SGCZ: variants seen among roughly 807,000 people sequenced by gnomAD.
SGCZ encodes the protein sarcoglycan zeta, also known as zeta-sarcoglycan.
In SGCZ, 40 loss-of-function variants were observed where a neutral mutation model predicts 41.3. The ratio of observed to expected loss-of-function variants is 0.97; its 90% CI spans 0.75 to 1.26. SGCZ has a LOEUF of 1.26. Among genes scored for constraint, SGCZ ranks in the 50% most tolerant of loss-of-function variants. The probability of loss-of-function intolerance (pLI) is 0.00; values close to 1 mark genes in which losing one functional copy is unlikely to be tolerated. For missense variants in SGCZ, 552 were observed against 369.8 expected, an observed-to-expected ratio of 1.49 and a Z score of -4.04; for synonymous variants, 206 against 137.5, an observed-to-expected ratio of 1.50 and a Z score of -3.49.
At chr8:14,442,474 T>C (rs1242239495) in intron 2 of SGCZ, among the ~76,000 whole-genome samples, 1 of 152,174 alleles carries the variant, frequency 6.6e-6, no homozygotes, top group Non-Finnish European at 1.5e-5. Context: ...GGTATGTCTT[T>C]AATAGCAGCA....
intron 3 of SGCZ, among the ~76,000 whole-genome samples, chr8:14,261,575 G>A (rs192809854): frequency 7.7e-4 from 117 of 152,138 alleles, no homozygotes; most frequent in African/African-American, 2.7e-3. Flanking sequence ...TGTTCATCTG[G>A]ACCAATGCCA....
intron 1 of SGCZ, among the ~76,000 whole-genome samples, chr8:14,776,644 C>A (rs1439686621): frequency 6.6e-6 from 1 of 150,684 alleles, no homozygotes; most frequent in East Asian, 2.0e-4. Flanking sequence ...CAGGCGCCTA[C>A]CACCACGCCC....
intron 1 of SGCZ, among the ~76,000 whole-genome samples, chr8:14,750,460 A>G (rs1799464340): frequency 1.3e-5 from 2 of 152,330 alleles, no homozygotes; most frequent in South Asian, 4.1e-4. Context: ...TAATAGGTAG[A>G]AAAATCTAAG....
intron 3 of SGCZ, among the ~76,000 whole-genome samples, chr8:14,303,853 G>C (rs978707442): frequency 6.6e-6 from 1 of 151,998 alleles, no homozygotes; most frequent in African/African-American, 2.4e-5. Flanking sequence ...CTGGGATCAG[G>C]CCATTCTCCT....
chr8:14,763,129 A>C (rs1040859496), intron 1 of SGCZ, among the ~76,000 whole-genome samples: 1 of 152,124 alleles, frequency 6.6e-6, no homozygotes, highest in Non-Finnish European at 1.5e-5. Context: ...AATGTGTTGT[A>C]TATGTCTGGT....
At chr8:14,555,092 G>A (rs186703470) in intron 1 of SGCZ, among the ~76,000 whole-genome samples, 166 bp from the exon 2 acceptor site, 16 of 151,860 alleles carry the variant, frequency 1.1e-4, no homozygotes, top group Admixed American at 6.6e-4. Context: ...AGAAAACTTC[G>A]AATCATTTTG....
At chr8:14,450,425 G>A (rs543639752) in intron 2 of SGCZ, among the ~76,000 whole-genome samples, 4 of 152,198 alleles carry the variant, frequency 2.6e-5, no homozygotes, top group Admixed American at 6.5e-5. Context: ...AAAGGGTCAG[G>A]AGGGTAATGA....
At chr8:14,715,811 G>C (rs969700907) in intron 1 of SGCZ, among the ~76,000 whole-genome samples, 1 of 151,926 alleles carries the variant, frequency 6.6e-6, no homozygotes, top group Admixed American at 6.6e-5. Flanking sequence ...AATTCTCATA[G>C]AAAAATTCCA....
intron 1 of SGCZ, among the ~76,000 whole-genome samples, chr8:14,919,059 C>T (rs574065351): frequency 9.9e-5 from 15 of 152,126 alleles, no homozygotes; most frequent in African/African-American, 3.4e-4. Context: ...CAATACTCAC[C>T]TTTTAAGATG....
chr8:14,357,342 T>C (rs1803335916), intron 2 of SGCZ, among the ~76,000 whole-genome samples: 1 of 152,204 alleles, frequency 6.6e-6, no homozygotes, highest in African/African-American at 2.4e-5. Flanking sequence ...ATCTCATTTA[T>C]ATCTTCAATT....
chr8:14,316,539 A>G (rs891116385), intron 3 of SGCZ, among the ~76,000 whole-genome samples: 2 of 151,986 alleles, frequency 1.3e-5, no homozygotes, highest in Non-Finnish European at 2.9e-5. Context: ...AGAAGGAAGG[A>G]TTTGTAGTCT....
At chr8:14,491,019 A>G (rs1801826658) in intron 2 of SGCZ, among the ~76,000 whole-genome samples, 1 of 152,290 alleles carries the variant, frequency 6.6e-6, no homozygotes, top group East Asian at 1.9e-4. Context: ...CTACTAATCA[A>G]TTTAAACATT....
chr8:14,376,897 T>TACC lies in SGCZ; in HGVS notation c.235-52696_235-52694dup, dbSNP rs1459145518. 2.0e-5 allele frequency among the ~76,000 whole-genome samples: 3 copies of TACC among 152,338 alleles called. No individual in the cohort carries two copies. In the East Asian group the frequency reaches 5.8e-4, roughly 29 times the overall value. On this transcript the variant is annotated intron_variant, in intron 2 of 7. Transcript: ENST00000382080. ...TATTGGAAAACCCATTAACATAATA[T>TACC]ACCACAGTGTGATAATAAGAAATAC...
chr8:14,160,876 G>A (rs1416422099), intron 5 of SGCZ, among the ~76,000 whole-genome samples: 1 of 152,158 alleles, frequency 6.6e-6, no homozygotes, highest in Non-Finnish European at 1.5e-5. Context: ...CACATCCCTT[G>A]TCTAAATGAA....
chr8:15,013,240 TTC>T (rs371469796), intron 1 of SGCZ, among the ~76,000 whole-genome samples: 103 of 152,314 alleles, frequency 6.8e-4, no homozygotes, highest in African/African-American at 2.4e-3. Flanking sequence ...CTCAATACAT[TTC>T]TCTCTGGCTG....
chr8:14,639,565 T>G (rs2117423387), intron 1 of SGCZ, among the ~76,000 whole-genome samples: 1 of 151,890 alleles, frequency 6.6e-6, no homozygotes, highest in East Asian at 1.9e-4. Flanking sequence ...TCATAGTTAA[T>G]ATAGTCTTGG....
intron 1 of SGCZ, among the ~76,000 whole-genome samples, chr8:14,627,145 A>G (rs1806486106): frequency 6.6e-6 from 1 of 152,190 alleles, no homozygotes; most frequent in Non-Finnish European, 1.5e-5. Flanking sequence ...TTACTAGTAA[A>G]ATATGTATTC....
chr8:15,067,322 G>A (rs1298035537), intron 1 of SGCZ, among the ~76,000 whole-genome samples: 2 of 152,084 alleles, frequency 1.3e-5, no homozygotes, highest in Non-Finnish European at 2.9e-5. Context: ...TAATCTAACT[G>A]TCTTCAATTT....
At chr8:14,174,854 T>C (rs1585201771) in intron 4 of SGCZ, among the ~76,000 whole-genome samples, 1 of 152,144 alleles carries the variant, frequency 6.6e-6, no homozygotes, top group African/African-American at 2.4e-5. Context: ...TTAAAGGCTC[T>C]GAGAAAAGGA....
Sources: allele counts gnomAD v4.1 joint callset (sites outside exome capture counted in the v4.1 genomes callset), GRCh38; gene constraint gnomAD v4.1.1; transcripts MANE v1.5; gene names NCBI Gene and HGNC (gene_info 2026-07-23, HGNC 2026-07-21).